RSPH14: variants seen among roughly 807,000 people sequenced by gnomAD.
RSPH14 encodes rhabdoid tumor deletion region gene 1.
A neutral mutation model predicts 26.7 loss-of-function variants in RSPH14; 20 were observed. That is an observed-to-expected ratio of 0.75 (90% CI 0.53 to 1.09). The LOEUF (loss-of-function observed/expected upper bound fraction) is 1.09. Among genes scored for constraint, RSPH14 ranks in the 50% least tolerant of loss-of-function variants. The pLI is 0.00. For missense variants in RSPH14, 449 were observed against 457.2 expected, an observed-to-expected ratio of 0.98 and a Z score of 0.16; for synonymous variants, 177 against 189.3, an observed-to-expected ratio of 0.93 and a Z score of 0.53.
chr22:23,171,307 C>T, the RSPH14 span, among the ~76,000 whole-genome samples: 1 of 152,082 alleles, frequency 6.6e-6, no homozygotes, highest in East Asian at 1.9e-4. Flanking sequence ...CTTAGGAAAC[C>T]TGATGGTCAT....
the RSPH14 span, among the ~76,000 whole-genome samples, chr22:23,155,002 G>A: frequency 1.3e-5 from 2 of 152,140 alleles, no homozygotes; most frequent in Admixed American, 6.5e-5. Context: ...GTGCATGCCT[G>A]TAATCCAAGC....
the RSPH14 span, among the ~76,000 whole-genome samples, chr22:23,169,646 G>T: frequency 1.3e-5 from 2 of 152,092 alleles, no homozygotes; most frequent in Non-Finnish European, 2.9e-5. Context: ...CCTGCCTCTT[G>T]TTGGGGTAAT....
At chr22:23,175,341 CTTGT>C in the RSPH14 span, among the ~76,000 whole-genome samples, 11 of 146,554 alleles carry the variant, frequency 7.5e-5, no homozygotes, top group African/African-American at 2.5e-4. Flanking sequence ...GGTGGGTTGG[CTTGT>C]TTGTTTGTTT....
chr22:23,061,587 T>C (rs1175657524), intron 6 of RSPH14, among the ~76,000 whole-genome samples: 1 of 151,822 alleles, frequency 6.6e-6, no homozygotes. Flanking sequence ...GAGGTCCTAA[T>C]GTGAGTGACT....
upstream of RSPH14, chr22:23,145,680 T>TGCG (rs1196233451): frequency 1.4e-5 from 16 of 1,159,116 alleles, no homozygotes; most frequent in East Asian, 3.4e-4. Context: ...GAAAGCGGCC[T>TGCG]GCGGCCCCGG....
intron 4 of RSPH14, chr22:23,133,022 A>G (rs1489408403): frequency 1.3e-5 from 2 of 152,186 alleles, no homozygotes; most frequent in Non-Finnish European, 2.9e-5. Flanking sequence ...AGATGCAAGT[A>G]TTTTAGAAAA....
the RSPH14 span, chr22:23,155,883 C>A: frequency 7.7e-7 from 1 of 1,301,678 alleles, no homozygotes; most frequent in Non-Finnish European, 1.0e-6. Flanking sequence ...GGGTCTCCCA[C>A]CCATGGTCCC....
At chr22:23,072,653 C>T (rs971795549) in intron 4 of RSPH14, among the ~76,000 whole-genome samples, 6 of 152,346 alleles carry the variant, frequency 3.9e-5, no homozygotes, top group African/African-American at 7.2e-5. Context: ...GGCCTGCCCT[C>T]GTGGGGTGTG....
intron 4 of RSPH14, among the ~76,000 whole-genome samples, chr22:23,109,602 G>A (rs2069586345): frequency 1.3e-5 from 2 of 152,178 alleles, no homozygotes; most frequent in African/African-American, 4.8e-5. Context: ...GCCATGGAGT[G>A]GCAGAGAATG....
chr22:23,153,177 A>C, the RSPH14 span: 1 of 1,444,344 alleles, frequency 6.9e-7, no homozygotes. Context: ...AGCTTCCTAC[A>C]GGCACCTGAG....
At chr22:23,094,234 G>A (rs867339836) in intron 4 of RSPH14, among the ~76,000 whole-genome samples, 28 of 152,112 alleles carry the variant, frequency 1.8e-4, no homozygotes, top group Admixed American at 2.0e-4. Flanking sequence ...AGAGGGGTGC[G>A]TGTGAGTTGG....
intron 4 of RSPH14, among the ~76,000 whole-genome samples, chr22:23,074,769 G>A (rs2068469004): frequency 1.3e-5 from 2 of 152,182 alleles, no homozygotes; most frequent in South Asian, 4.1e-4. Context: ...GGCTGGAGAA[G>A]AGCGGGTCCC....
the RSPH14 span, chr22:23,180,600 G>GGCA: frequency 1.3e-4 from 23 of 174,362 alleles, no homozygotes; most frequent in South Asian, 1.6e-3. Context: ...GCACGGCGGC[G>GGCA]GCGGGGCTGT....
intron 4 of RSPH14, among the ~76,000 whole-genome samples, chr22:23,105,119 C>T (rs2069425095): frequency 6.6e-6 from 1 of 152,222 alleles, no homozygotes; most frequent in Non-Finnish European, 1.5e-5. Context: ...GACTGGGGGC[C>T]CTGGGCCTTG....
the RSPH14 span, among the ~76,000 whole-genome samples, chr22:23,171,861 A>C: frequency 4.0e-5 from 6 of 151,808 alleles, no homozygotes; most frequent in South Asian, 2.1e-4. Flanking sequence ...AAAACAAAAA[A>C]AAAAAAACAA....
the RSPH14 span, among the ~76,000 whole-genome samples, chr22:23,150,592 TGCCCA>T: frequency 6.6e-6 from 1 of 151,826 alleles, no homozygotes; most frequent in African/African-American, 2.4e-5. Flanking sequence ...TGAGCCACCG[TGCCCA>T]GCCAGATGAC....
chr22:23,095,227 C>A (rs1355759694), intron 4 of RSPH14: 5 of 172,334 alleles, frequency 2.9e-5, no homozygotes, highest in Non-Finnish European at 4.9e-5. Context: ...GAGGCTCACG[C>A]TTTTCTCTGT....
chr22:23,151,137 G>C, the RSPH14 span, among the ~76,000 whole-genome samples: 4 of 152,374 alleles, frequency 2.6e-5, no homozygotes, highest in Admixed American at 6.5e-5. Context: ...AGCGCAGCTA[G>C]AGGTTCCCAA....
chr22:23,086,801 C>T (rs1255096762), intron 4 of RSPH14, among the ~76,000 whole-genome samples: 3 of 152,214 alleles, frequency 2.0e-5, no homozygotes, highest in East Asian at 3.8e-4. Flanking sequence ...GTGGGGCCAG[C>T]ATGACAGGAT....
Sources: gnomAD v4.1 joint callset for allele counts (sites outside exome capture counted in the v4.1 genomes callset) on GRCh38, gnomAD v4.1.1 for gene constraint, MANE v1.5 for transcripts, NCBI Gene and HGNC (gene_info 2026-07-23, HGNC 2026-07-21) for gene names.